MEIOSIN: variants seen among roughly 807,000 people sequenced by gnomAD.
MEIOSIN encodes the protein meiosis initiator.
Under a neutral mutation model 23.4 loss-of-function variants are expected in MEIOSIN, and 18 were observed. The observed-to-expected ratio is 0.77, with a 90% confidence interval of 0.53 to 1.14. The LOEUF (loss-of-function observed/expected upper bound fraction) is 1.14, where lower values mean the gene tolerates loss of function less well. MEIOSIN is among the 50% of genes most tolerant of loss of function. The pLI, the probability that MEIOSIN is intolerant of heterozygous loss-of-function variation, is 0.00. For missense variants in MEIOSIN, 428 were observed against 242.9 expected, an observed-to-expected ratio of 1.76 and a Z score of -5.07; for synonymous variants, 187 against 100.6, an observed-to-expected ratio of 1.86 and a Z score of -5.14.
intron 5 of MEIOSIN, 54 bp from the exon 6 acceptor site, chr19:45,753,597 G>T (rs1291884876): frequency 3.0e-6 from 2 of 668,302 alleles, no homozygotes; most frequent in Admixed American, 4.4e-5. Context: ...AGGAACTGCA[G>T]TTGGATGCAG....
At chr19:45,751,617 C>A (rs1250175679) in intron 5 of MEIOSIN, among the ~76,000 whole-genome samples, 1 of 151,936 alleles carries the variant, frequency 6.6e-6, no homozygotes, top group Admixed American at 6.6e-5. Context: ...TCACTGCGAC[C>A]TCTGCCTCCC....
intron 5 of MEIOSIN, 47 bp downstream of exon 5, chr19:45,750,833 G>A (rs1488335178): frequency 1.8e-6 from 1 of 551,368 alleles, no homozygotes; most frequent in African/African-American, 1.9e-5. Flanking sequence ...TGTTCCAAGT[G>A]TTGTTCCAGC....
chr19:45,746,516 C>T (rs1252723423), intron 4 of MEIOSIN, among the ~76,000 whole-genome samples: 1 of 152,114 alleles, frequency 6.6e-6, no homozygotes, highest in Non-Finnish European at 1.5e-5. Flanking sequence ...ACTGGGCCCA[C>T]CCAGATAAAC....
chr19:45,745,428 C>A, intron 4 of MEIOSIN, 107 bp downstream of exon 4: 2 of 618,400 alleles, frequency 3.2e-6, no homozygotes, highest in South Asian at 3.8e-5. Context: ...TCAGTGGCAG[C>A]ATTCAAATGG....
chr19:45,755,040 C>T (rs889081865), intron 7 of MEIOSIN, among the ~76,000 whole-genome samples: 33 of 152,132 alleles, frequency 2.2e-4, no homozygotes, highest in Admixed American at 1.7e-3. Context: ...GTTTGGAAAA[C>T]GTGTGGTGAT....
At chr19:45,755,637 C>T (rs542105143) in intron 7 of MEIOSIN, among the ~76,000 whole-genome samples, 8 of 152,122 alleles carry the variant, frequency 5.3e-5, no homozygotes, top group Non-Finnish European at 7.4e-5. Context: ...TTAGTAGAGA[C>T]GGGGTTTCAC....
At chr19:45,758,493 G>A (rs1007307505) in intron 9 of MEIOSIN, among the ~76,000 whole-genome samples, 1 of 151,664 alleles carries the variant, frequency 6.6e-6, no homozygotes, top group South Asian at 2.1e-4. Flanking sequence ...GCAGTGGCAC[G>A]ATCTCGGCTC....
chr19:45,739,034 C>A (rs919704345), intron 2 of MEIOSIN, among the ~76,000 whole-genome samples: 11 of 152,146 alleles, frequency 7.2e-5, no homozygotes, highest in African/African-American at 2.7e-4. Context: ...TCGGCCTTGG[C>A]TGGTTCCAGG....
At chr19:45,762,846 T>C (rs1013318261) in intron 13 of MEIOSIN, among the ~76,000 whole-genome samples, 3 of 151,478 alleles carry the variant, frequency 2.0e-5, no homozygotes, top group African/African-American at 7.4e-5. Context: ...CTGGAATCTT[T>C]GTCCTTTTCA....
intron 3 of MEIOSIN, among the ~76,000 whole-genome samples, chr19:45,743,242 A>G (rs1968536994): frequency 6.6e-6 from 1 of 152,224 alleles, no homozygotes; most frequent in South Asian, 2.1e-4. Flanking sequence ...ACTATGGTTT[A>G]TATGAAACCC....
chr19:45,758,498 C>T (rs1353670094), intron 9 of MEIOSIN, among the ~76,000 whole-genome samples: 1 of 151,912 alleles, frequency 6.6e-6, no homozygotes, highest in East Asian at 1.9e-4. Context: ...GGCACGATCT[C>T]GGCTCACTGC....
intron 1 of MEIOSIN, 81 bp from the exon 2 acceptor site, chr19:45,735,296 A>G: frequency 1.4e-6 from 1 of 689,714 alleles, no homozygotes; most frequent in Non-Finnish European, 2.6e-6. Flanking sequence ...CATAGGGAAG[A>G]TGAAGGGTGC....
Position 45,733,457 on chromosome 19 carries a change from ACGCCTCGCG to A in MEIOSIN, c.-208_-200del, listed in dbSNP as rs2146168497. 1 of 152,258 alleles carries A rather than the reference ACGCCTCGCG, an allele frequency of 6.6e-6. No individual in the cohort carries two copies. The highest frequency in any genetic ancestry group is 2.4e-5 in the African/African-American group (1 of 41,540). 9.4% of individuals were successfully genotyped at this position (152,258 alleles called of 1,614,324 possible). Reference sequence around the variant, plus strand: ...GGAACGCACTCTTGCTCTGCTCCTCACGCCTCGCGCAGGATCCTCGCGCCGGGAGGATTC... The same window carrying A: ...GGAACGCACTCTTGCTCTGCTCCTCACAGGATCCTCGCGCCGGGAGGATTC... On this transcript the variant is annotated 5_prime_UTR_variant, in exon 1 of 15. Transcript: ENST00000457052. This position sits in a 1 kb window ranked among gnomAD's most constrained non-coding sequence, Gnocchi z 5.7.
At chr19:45,738,746 A>G (rs1968451229) in intron 2 of MEIOSIN, among the ~76,000 whole-genome samples, 1 of 152,186 alleles carries the variant, frequency 6.6e-6, no homozygotes, top group Admixed American at 6.6e-5. Context: ...GTTAAGTCCG[A>G]CTGTTGTAAG....
intron 2 of MEIOSIN, among the ~76,000 whole-genome samples, chr19:45,736,927 G>A (rs1446717359): frequency 6.8e-6 from 1 of 146,354 alleles, no homozygotes; most frequent in African/African-American, 2.5e-5. Flanking sequence ...GGACTGCAAT[G>A]GCATGAACTC....
chr19:45,761,828 G>GCTCA lies in MEIOSIN; in HGVS notation c.1395_1396insCTCA (p.Glu466LeufsTer48), dbSNP rs755841213. 6.1e-6 allele frequency: 3 copies of GCTCA among 491,650 alleles called. No individual in the cohort carries two copies. Among genetic ancestry groups the GCTCA allele is most frequent in the Non-Finnish European group, 1.1e-5 (3 of 284,058 alleles). The allele number at this position is 491,650 out of a possible 1,614,324, so 30.5% of individuals were successfully genotyped here. A position where few individuals can be genotyped will look rare whatever the true frequency, so the allele number is the denominator to read the frequency against. On this transcript the variant is annotated frameshift_variant, in exon 12 of 15. Transcript: ENST00000457052. LOFTEE classifies it high-confidence loss of function. ...CCAGCTCCAGCTCCAGCTCCAGCTC[G>GCTCA]GAGGACAGCGACTCGGAGCCCCTGT...
chr19:45,755,528 C>T (rs967018877), intron 7 of MEIOSIN, among the ~76,000 whole-genome samples: 1 of 152,146 alleles, frequency 6.6e-6, no homozygotes, highest in Admixed American at 6.6e-5. Context: ...CTCTCGGCTA[C>T]TGCAACCTCT....
chr19:45,764,249 G>C lies in MEIOSIN; in HGVS notation c.*131G>C. ...TGAGAATGCAGGTCCCATGGGACTG[G>C]GGAGGGGGGCACTGATTAGCCCCAA... On this transcript the variant is annotated 3_prime_UTR_variant, in exon 15 of 15. Coordinates refer to ENST00000457052, the MANE Select transcript of MEIOSIN (RefSeq NM_001310124.2). 2 of 397,572 alleles carry C rather than the reference G, an allele frequency of 5.0e-6. No individual in the cohort carries two copies. Among genetic ancestry groups the C allele is most frequent in the Non-Finnish European group, 8.9e-6 (2 of 225,860 alleles). 24.6% of individuals were successfully genotyped at this position (397,572 alleles called of 1,614,324 possible). A position where few individuals can be genotyped will look rare whatever the true frequency, so the allele number is the denominator to read the frequency against.
intron 2 of MEIOSIN, among the ~76,000 whole-genome samples, chr19:45,735,743 C>T (rs2146170741): frequency 6.6e-6 from 1 of 152,198 alleles, no homozygotes; most frequent in South Asian, 2.1e-4. Flanking sequence ...GTGTTGCGAT[C>T]CCAGCTCACT....
Sources: allele counts gnomAD v4.1 joint callset (sites outside exome capture counted in the v4.1 genomes callset), GRCh38; gene constraint gnomAD v4.1.1; non-coding constraint Gnocchi (gnomAD v3.1); transcripts MANE v1.5; gene names NCBI Gene and HGNC (gene_info 2026-07-23, HGNC 2026-07-21).